The following RHOQ variants were observed in gnomAD, a reference collection of about 807,000 sequenced individuals.
RHOQ encodes ras homolog family member Q, also known as rho-related GTP-binding protein RhoQ.
RHOQ carries 7 observed loss-of-function variants against 25.8 expected under a neutral mutation model. The observed-to-expected ratio is 0.27, with a 90% CI of 0.15 to 0.51. The LOEUF (loss-of-function observed/expected upper bound fraction) is 0.51, where lower values mean the gene tolerates loss of function less well. Among genes scored for constraint, RHOQ ranks in the 20% least tolerant of loss-of-function variants. The probability of loss-of-function intolerance (pLI) is 0.97; values close to 1 mark genes in which losing one functional copy is unlikely to be tolerated. For synonymous variants in RHOQ, 97 were observed against 98.6 expected (o/e 0.98, Z 0.10); for missense variants, 165 against 260.6 (o/e 0.63, Z 2.53).
rs578043642 is a variant in RHOQ at position 46,555,917 on chromosome 2, T to C, written c.201+12105T>C. Among the ~76,000 whole-genome samples the C allele has an allele frequency of 4.6e-5, 7 of 152,318 alleles. No individual in the cohort carries two copies. The East Asian group carries it at 1.3e-3, about 29-fold the overall frequency. On this transcript the variant is annotated intron_variant, in intron 2 of 4. Transcript: ENST00000238738. The surrounding 1 kb of genome is among the most constrained non-coding windows in gnomAD (Gnocchi z 4.3). ...CAAGCTGGTGTTAAGACGCAAGTAA[T>C]TACTCAGAGAAATTGCTGGTGTGTC...
intron 2 of RHOQ, 77 bp downstream of exon 2, chr2:46,543,889 C>T: frequency 2.3e-6 from 3 of 1,322,232 alleles, no homozygotes; most frequent in South Asian, 2.5e-5. Flanking sequence ...CTTTGGAAAC[C>T]GAGGTGTCTA....
At chr2:46,565,587 G>T (rs1256123427) in intron 2 of RHOQ, among the ~76,000 whole-genome samples, 3 of 152,236 alleles carry the variant, frequency 2.0e-5, no homozygotes, top group Admixed American at 1.3e-4. Context: ...GACATCAGCA[G>T]CCTGAGAAAT....
intron 1 of RHOQ, 110 bp downstream of exon 1, chr2:46,543,298 C>G: frequency 7.9e-7 from 1 of 1,258,854 alleles, no homozygotes; most frequent in African/African-American, 1.5e-5. Context: ...TCTCCCCTCC[C>G]CCGCCGCGCC....
rs532282615 is a variant in RHOQ, at chr2:46,581,815, T to C, written c.*732T>C. ...GGCTTCTGGCAATTGTAGATTTAGT[T>C]TGACGCTCCCCAAAGTGCATGAGAC... is the stretch of plus-strand genomic sequence containing the variant. On this transcript the variant is annotated 3_prime_UTR_variant, in exon 5 of 5. Coordinates refer to ENST00000238738, the MANE Select transcript of RHOQ (RefSeq NM_012249.4). The C allele has an allele frequency of 3.4e-5, 17 of 501,458 alleles. No individual in the cohort carries two copies. The highest frequency in any genetic ancestry group is 5.1e-5 in the East Asian group (1 of 19,646). 31.1% of individuals were successfully genotyped at this position (501,458 alleles called of 1,614,324 possible).
intron 2 of RHOQ, among the ~76,000 whole-genome samples, chr2:46,553,740 C>G (rs1176778508): frequency 8.9e-6 from 1 of 112,938 alleles, no homozygotes; most frequent in Non-Finnish European, 1.8e-5. Context: ...CCACCATGCC[C>G]AGCTAATTTT....
At position 46,581,115 on chromosome 2, in the gene RHOQ, A is replaced by G; in HGVS notation, c.*32A>G. On this transcript the variant is annotated 3_prime_UTR_variant, in exon 5 of 5. Coordinates refer to ENST00000238738, the MANE Select transcript of RHOQ (RefSeq NM_012249.4). ...TCTTCAGTGGCCAAGGAAACTGTCC[A>G]TTTCTCTCAGAAAGCAAATGAAATG... The G allele has an allele frequency of 1.4e-6, 2 of 1,444,258 alleles. No homozygotes were observed. Among genetic ancestry groups the G allele is most frequent in the Non-Finnish European group, 1.9e-6 (2 of 1,077,566 alleles). 89.5% of individuals were successfully genotyped at this position (1,444,258 alleles called of 1,614,324 possible). A position where few individuals can be genotyped will look rare whatever the true frequency, so the allele number is the denominator to read the frequency against.
At position 46,576,380 on chromosome 2, in the gene RHOQ, G is replaced by T; in HGVS notation, c.366+129G>T. The T allele has an allele frequency of 2.1e-6, 2 of 964,230 alleles. No homozygotes were observed. Among genetic ancestry groups the T allele is most frequent in the Non-Finnish European group, 3.1e-6 (2 of 646,068 alleles). 59.7% of individuals were successfully genotyped at this position (964,230 alleles called of 1,614,324 possible). On this transcript the variant is annotated intron_variant, in intron 3 of 4. Coordinates refer to ENST00000238738, the MANE Select transcript of RHOQ (RefSeq NM_012249.4). The surrounding 1 kb of genome is among the most constrained non-coding windows in gnomAD (Gnocchi z 5.1). ...TTTAATCTCAGCTGCAAGTTAATGA[G>T]TTCTATCATATTTTTGGAAAAAATT...
intron 2 of RHOQ, among the ~76,000 whole-genome samples, chr2:46,572,354 C>T (rs1368204677): frequency 1.3e-5 from 2 of 152,000 alleles, no homozygotes; most frequent in African/African-American, 4.8e-5. Context: ...CTCCCCACCT[C>T]GGCCTCCCAA....
chr2:46,545,756 G>A (rs1008950880), intron 2 of RHOQ, among the ~76,000 whole-genome samples: 4 of 152,160 alleles, frequency 2.6e-5, no homozygotes, highest in Non-Finnish European at 5.9e-5. Context: ...TGCATCCATA[G>A]TTGTGGTACC....
chr2:46,545,188 G>A (rs1044043229), intron 2 of RHOQ, among the ~76,000 whole-genome samples: 8 of 152,182 alleles, frequency 5.3e-5, no homozygotes, highest in Non-Finnish European at 8.8e-5. Context: ...CCCTGTAGTC[G>A]TTATTCCTTC....
chr2:46,556,932 G>T lies in RHOQ; in HGVS notation c.201+13120G>T, dbSNP rs1366748954. On this transcript the variant is annotated intron_variant, in intron 2 of 4. Transcript: ENST00000238738. This position sits in a 1 kb window ranked among gnomAD's most constrained non-coding sequence, Gnocchi z 4.9. ...ATTTATGTTAACTCGTAAGAGATCA[G>T]CCTATAAATGAGGTTGCCAAAGAGT... 3.3e-5 allele frequency among the ~76,000 whole-genome samples: 5 copies of T among 152,274 alleles called. No homozygotes were observed. In the East Asian group the frequency reaches 9.6e-4, roughly 29 times the overall value.
rs763573652 is a variant in RHOQ, at chr2:46,576,230, C to A, written c.345C>A (p.Pro115=). 6.2e-7 allele frequency: 1 copy of A among 1,606,802 alleles called. No individual in the cohort carries two copies. The highest frequency in any genetic ancestry group is 8.5e-7 in the Non-Finnish European group (1 of 1,177,654). The change falls in exon 3 of 5, where the codon CCC becomes CCA. Residue 115 remains proline, a synonymous_variant. Coordinates refer to ENST00000238738, the MANE Select transcript of RHOQ (RefSeq NM_012249.4). This position sits in a 1 kb window ranked among gnomAD's most constrained non-coding sequence, Gnocchi z 5.1. Reference sequence around the variant, plus strand: ...TTAAGGAATACGCACCAAATGTACCCTTTTTATTAATAGGAACTCAGGTAT... The same window carrying A: ...TTAAGGAATACGCACCAAATGTACCATTTTTATTAATAGGAACTCAGGTAT... ...PELKEYAPNV[P]FLLIGTQIDL... is the part of the protein sequence containing the mutation.
At chr2:46,573,067 T>TGG (rs1668988049) in intron 2 of RHOQ, among the ~76,000 whole-genome samples, 3 of 27,820 alleles carry the variant, frequency 1.1e-4, no homozygotes, top group South Asian at 2.7e-3. Flanking sequence ...AACTGCCGAT[T>TGG]TTTTTTTTTT....
intron 4 of RHOQ, chr2:46,577,138 A>C (rs1669156727): frequency 6.6e-6 from 1 of 152,358 alleles, no homozygotes; most frequent in African/African-American, 2.4e-5. Flanking sequence ...TAAAACCAAA[A>C]AATGATGACT....
In RHOQ at chr2:46,556,824, GA is replaced by G. The variant is rs1668423999; in HGVS notation, c.201+13013del. ...CCGGCTGTTTGACCTGAGCTTCCCA[GA>G]TAGGCAAGGTTTCTGTGGGGCCGTT... On this transcript the variant is annotated intron_variant, in intron 2 of 4. Coordinates refer to ENST00000238738, the MANE Select transcript of RHOQ (RefSeq NM_012249.4). The surrounding 1 kb of genome is among the most constrained non-coding windows in gnomAD (Gnocchi z 4.9). 6.6e-6 allele frequency among the ~76,000 whole-genome samples: 1 copy of G among 152,142 alleles called. No homozygotes were observed. Among genetic ancestry groups the G allele is most frequent in the African/African-American group, 2.4e-5 (1 of 41,416 alleles).
At chr2:46,570,120 A>G (rs951187459) in intron 2 of RHOQ, among the ~76,000 whole-genome samples, 5 of 152,228 alleles carry the variant, frequency 3.3e-5, no homozygotes, top group African/African-American at 1.2e-4. Flanking sequence ...AATGAACTCA[A>G]AAGTGTCAAA....
intron 2 of RHOQ, among the ~76,000 whole-genome samples, chr2:46,558,447 C>T (rs1171726988): frequency 1.3e-5 from 2 of 151,988 alleles, no homozygotes; most frequent in African/African-American, 4.8e-5. Context: ...ATTTTTTCTC[C>T]CTTTGGAATT....
rs1250578248 is a variant in RHOQ, at chr2:46,552,249, A to G, written c.201+8437A>G. Among the ~76,000 whole-genome samples the G allele has an allele frequency of 6.6e-6, 1 of 152,174 alleles. No individual in the cohort carries two copies. Among genetic ancestry groups the G allele is most frequent in the African/African-American group, 2.4e-5 (1 of 41,428 alleles). Reference sequence around the variant, plus strand: ...TGTTTTGTCACTTTGTCCCTAAACCACCATGCTTCCTCAAAAAGGAGCAGG... The same window carrying G: ...TGTTTTGTCACTTTGTCCCTAAACCGCCATGCTTCCTCAAAAAGGAGCAGG... On this transcript the variant is annotated intron_variant, in intron 2 of 4. Transcript: ENST00000238738. This position sits in a 1 kb window ranked among gnomAD's most constrained non-coding sequence, Gnocchi z 5.0.
At chr2:46,577,062 G>C (rs1479609985) in intron 4 of RHOQ, 1 of 155,784 alleles carries the variant, frequency 6.4e-6, no homozygotes, top group Non-Finnish European at 1.4e-5. Context: ...TGCCAAATCA[G>C]CTCTGTCTTA....
Sources: allele counts gnomAD v4.1 joint callset (sites outside exome capture counted in the v4.1 genomes callset), GRCh38; gene constraint gnomAD v4.1.1; non-coding constraint Gnocchi (gnomAD v3.1); transcripts MANE v1.5; gene names NCBI Gene and HGNC (gene_info 2026-07-23, HGNC 2026-07-21).